N4BP2L2: variants seen among roughly 807,000 people sequenced by gnomAD.
N4BP2L2 encodes the protein NEDD4 binding protein 2 like 2.
Under a neutral mutation model 56.2 loss-of-function variants are expected in N4BP2L2, and 50 were observed. The ratio of observed to expected loss-of-function variants is 0.89; its 90% CI spans 0.71 to 1.13. N4BP2L2 has a LOEUF of 1.13. N4BP2L2 is among the 50% of genes most tolerant of loss of function. The probability of loss-of-function intolerance (pLI) is 0.00; values close to 1 mark genes in which losing one functional copy is unlikely to be tolerated. For synonymous variants in N4BP2L2, 203 were observed against 223.6 expected (o/e 0.91, Z 0.82); for missense variants, 689 against 693.8 (o/e 0.99, Z 0.08).
intron 6 of N4BP2L2, among the ~76,000 whole-genome samples, chr13:32,483,337 G>GA (rs1471644998): frequency 2.0e-5 from 3 of 151,810 alleles, no homozygotes; most frequent in Non-Finnish European, 2.9e-5. Flanking sequence ...TTTCAAAAAA[G>GA]AAAAAAACGC....
At chr13:32,498,913 T>A (rs962698039) in intron 6 of N4BP2L2, among the ~76,000 whole-genome samples, 3 of 140,104 alleles carry the variant, frequency 2.1e-5, no homozygotes, top group African/African-American at 8.1e-5. Flanking sequence ...CGTTTGAACC[T>A]GGGAGATGGA....
At chr13:32,527,990 T>C (rs926224127) in intron 2 of N4BP2L2, among the ~76,000 whole-genome samples, 1 of 152,120 alleles carries the variant, frequency 6.6e-6, no homozygotes, top group East Asian at 1.9e-4. Flanking sequence ...CAGGCTGGTG[T>C]TGAACTCCTG....
At chr13:32,522,223 T>G in exon 4 of N4BP2L2, 1 of 1,574,822 alleles carries the variant, frequency 6.3e-7, no homozygotes, top group Non-Finnish European at 8.6e-7. Flanking sequence ...TGTATATTAG[T>G]GTTATCTATT....
At position 32,456,727 on chromosome 13, in the gene N4BP2L2, A is replaced by T. The variant is rs200609292; in HGVS notation, c.366-12601T>A. ...AATCCTGGAACTGAAGAATTCAATG[A>T]CTGAAACAAGAAATACATTTGAGAA... is the stretch of plus-strand genomic sequence containing the variant. On this transcript the variant is annotated intron_variant, in intron 6 of 9. Transcript: ENST00000357505. Among the ~76,000 whole-genome samples, 5 of 152,372 alleles carry T rather than the reference A, an allele frequency of 3.3e-5. No individual in the cohort carries two copies. The East Asian group carries it at 9.6e-4, about 29-fold the overall frequency.
At chr13:32,529,041 G>A (rs893195749) in intron 2 of N4BP2L2, among the ~76,000 whole-genome samples, 2 of 152,146 alleles carry the variant, frequency 1.3e-5, no homozygotes, top group Non-Finnish European at 2.9e-5. Flanking sequence ...TGAATATTAT[G>A]TAAATAGTTG....
At chr13:32,446,244 ATACTC>A (rs1267715856) in intron 6 of N4BP2L2, 39 of 622,190 alleles carry the variant, frequency 6.3e-5, no homozygotes, top group South Asian at 5.3e-4. Context: ...GGTTTAGAAA[ATACTC>A]TAAGGAACAC....
At chr13:32,504,951 T>C (rs1252298671) in intron 6 of N4BP2L2, 2 of 152,210 alleles carry the variant, frequency 1.3e-5, no homozygotes, top group African/African-American at 4.8e-5. Flanking sequence ...TCCCATTAGA[T>C]TTTAAGGCTC....
chr13:32,517,093 A>G (rs1022852839), exon 6 of N4BP2L2: 1 of 981,376 alleles, frequency 1.0e-6, no homozygotes. Flanking sequence ...GAGAGAAGTA[A>G]AACATTATTA....
chr13:32,494,081 T>G (rs1391357279), intron 6 of N4BP2L2, among the ~76,000 whole-genome samples: 1 of 151,974 alleles, frequency 6.6e-6, no homozygotes, highest in African/African-American at 2.4e-5. Context: ...GAGAACAGCC[T>G]GCTAACATGG....
At chr13:32,532,611 GAC>G (rs1161015981) in intron 2 of N4BP2L2, among the ~76,000 whole-genome samples, 18 of 124,598 alleles carry the variant, frequency 1.4e-4, no homozygotes, top group African/African-American at 5.6e-4. Context: ...TTTTTTTTAA[GAC>G]AGAGTCTTGC....
exon 2 of N4BP2L2, chr13:32,535,801 A>G (rs747962317): frequency 6.2e-7 from 1 of 1,614,002 alleles, no homozygotes; most frequent in Admixed American, 1.7e-5. Flanking sequence ...AACCAGGCAG[A>G]CCTCTTAAAA....
intron 6 of N4BP2L2, among the ~76,000 whole-genome samples, chr13:32,492,823 T>C (rs1284278303): frequency 6.6e-6 from 1 of 152,122 alleles, no homozygotes; most frequent in African/African-American, 2.4e-5. Context: ...TTAAAAATTT[T>C]GTATATTTAA....
At position 32,479,523 on chromosome 13, in the gene N4BP2L2, C is replaced by T. The variant is rs923034846; in HGVS notation, c.366-35397G>A. Among the ~76,000 whole-genome samples the T allele has an allele frequency of 3.3e-5, 5 of 151,568 alleles. No homozygotes were observed. The South Asian group carries it at 8.3e-4, about 25-fold the overall frequency. ...GTCTCGATCTCCTGACCTCGTGATCCGCCTGCCTTGACCTCCCAAAGTGCT... is the reference window on the plus strand; with the variant it reads ...GTCTCGATCTCCTGACCTCGTGATCTGCCTGCCTTGACCTCCCAAAGTGCT... On this transcript the variant is annotated intron_variant, in intron 6 of 9. Transcript: ENST00000357505.
chr13:32,536,882 T>TTC lies in N4BP2L2; in HGVS notation c.144_145dup (p.Lys49ArgfsTer10), dbSNP rs866425501. ...CACAGGGACCCAATCATTTCCAGTT[T>TTC]TCTCTTGGATTCTGTGAAAATCAGC... On this transcript the variant is annotated frameshift_variant, in exon 2 of 6. Transcript: ENST00000267068. LOFTEE classifies it high-confidence loss of function. 1.4e-5 allele frequency: 23 copies of TTC among 1,614,136 alleles called. No individual in the cohort carries two copies. The highest frequency in any genetic ancestry group is 1.9e-5 in the Non-Finnish European group (23 of 1,180,012).
intron 6 of N4BP2L2, among the ~76,000 whole-genome samples, chr13:32,475,469 G>A (rs1357914034): frequency 6.6e-6 from 1 of 152,210 alleles, no homozygotes; most frequent in Non-Finnish European, 1.5e-5. Context: ...AGTTTGAGGA[G>A]GCGGTGTCTG....
chr13:32,456,546 G>A (rs2079015306), intron 6 of N4BP2L2, among the ~76,000 whole-genome samples: 2 of 152,096 alleles, frequency 1.3e-5, no homozygotes, highest in African/African-American at 4.8e-5. Context: ...TAATTTTATG[G>A]AATTCCAGAA....
chr13:32,462,281 C>T (rs551935584), intron 6 of N4BP2L2, among the ~76,000 whole-genome samples: 97 of 152,250 alleles, frequency 6.4e-4, no homozygotes, highest in Non-Finnish European at 8.5e-4. Flanking sequence ...TAATGAAATC[C>T]TGTCATTTCC....
intron 6 of N4BP2L2, among the ~76,000 whole-genome samples, chr13:32,457,679 CTG>C (rs368725294): frequency 3.9e-4 from 59 of 152,300 alleles, no homozygotes; most frequent in African/African-American, 1.4e-3. Flanking sequence ...AAAGCAAAAA[CTG>C]AGGCAATTCA....
intron 6 of N4BP2L2, among the ~76,000 whole-genome samples, chr13:32,468,816 C>T (rs969962693): frequency 5.3e-5 from 8 of 152,204 alleles, no homozygotes; most frequent in Non-Finnish European, 1.2e-4. Context: ...CAGAGTTGTT[C>T]GTCTTATAGA....
Sources: gnomAD v4.1 joint callset for allele counts (sites outside exome capture counted in the v4.1 genomes callset) on GRCh38, gnomAD v4.1.1 for gene constraint, MANE v1.5 for transcripts, NCBI Gene and HGNC (gene_info 2026-07-23, HGNC 2026-07-21) for gene names.